Variants in EPM2A observed in about 807,000 individuals in gnomAD.
The protein encoded by EPM2A is laforin.
A neutral mutation model predicts 26.5 loss-of-function variants in EPM2A; 21 were observed. The observed-to-expected ratio is 0.79, with a 90% CI of 0.56 to 1.14. EPM2A has a LOEUF of 1.14. Among genes scored for constraint, EPM2A ranks in the 50% most tolerant of loss-of-function variants. EPM2A has a pLI of 0.00. For synonymous variants in EPM2A, 217 were observed against 177.6 expected (o/e 1.22, Z -1.76); for missense variants, 458 against 440.8 (o/e 1.04, Z -0.35).
At chr6:145,635,755 A>G (rs1170940148) in intron 2 of EPM2A, 6 of 419,566 alleles carry the variant, frequency 1.4e-5, no homozygotes, top group Non-Finnish European at 2.2e-5. Flanking sequence ...AAATAAGTCT[A>G]CCAAGTTGTA....
At chr6:145,510,328 C>A (rs1453266231) in intron 2 of EPM2A, among the ~76,000 whole-genome samples, 3 of 152,132 alleles carry the variant, frequency 2.0e-5, no homozygotes, top group African/African-American at 7.2e-5. Flanking sequence ...GTAAGATTGA[C>A]CACATGCTTA....
chr6:145,526,869 T>C (rs1780281421), intron 2 of EPM2A, among the ~76,000 whole-genome samples: 1 of 152,096 alleles, frequency 6.6e-6, no homozygotes, highest in African/African-American at 2.4e-5. Flanking sequence ...CTAGTTGTGA[T>C]ATTAGATTAG....
intron 2 of EPM2A, among the ~76,000 whole-genome samples, chr6:145,534,614 C>T (rs554854349): frequency 6.6e-6 from 1 of 152,356 alleles, no homozygotes; most frequent in Admixed American, 6.5e-5. Context: ...AGGTCCTCTG[C>T]AGCTGCAGGA....
chr6:145,606,027 T>C (rs1775247198), intron 2 of EPM2A, among the ~76,000 whole-genome samples: 1 of 152,160 alleles, frequency 6.6e-6, no homozygotes. Flanking sequence ...TGGCTGGCTA[T>C]GGAAATTTAT....
intron 1 of EPM2A, among the ~76,000 whole-genome samples, chr6:145,718,918 A>G (rs1000812516): frequency 1.3e-5 from 2 of 152,218 alleles, no homozygotes; most frequent in African/African-American, 2.4e-5. Flanking sequence ...CAAAACCACA[A>G]TGAGATACCA....
At chr6:145,547,159 AT>A (rs1780592743) in intron 2 of EPM2A, among the ~76,000 whole-genome samples, 1 of 152,080 alleles carries the variant, frequency 6.6e-6, no homozygotes, top group African/African-American at 2.4e-5. Flanking sequence ...TTCTATCAAA[AT>A]TCACAACCCA....
chr6:145,651,882 A>G (rs1436695362), intron 2 of EPM2A, among the ~76,000 whole-genome samples: 1 of 152,062 alleles, frequency 6.6e-6, no homozygotes, highest in Non-Finnish European at 1.5e-5. Flanking sequence ...AAGATGTTGT[A>G]TGTTTTATTT....
intron 2 of EPM2A, among the ~76,000 whole-genome samples, chr6:145,504,376 A>G (rs1181940140): frequency 1.6e-5 from 2 of 127,790 alleles, no homozygotes; most frequent in Non-Finnish European, 1.7e-5. Flanking sequence ...AGAATCTACA[A>G]TGAACTCAAA....
chr6:145,502,607 T>C (rs866214122), intron 2 of EPM2A: 1 of 470,812 alleles, frequency 2.1e-6, no homozygotes, highest in Middle Eastern at 3.4e-4. Flanking sequence ...TGGCAGCTTA[T>C]TAAAACCTGG....
chr6:145,577,145 C>A (rs1781042861), intron 2 of EPM2A, among the ~76,000 whole-genome samples: 1 of 151,592 alleles, frequency 6.6e-6, no homozygotes. Context: ...ACTCAGAAAA[C>A]AAATAACAAA....
At chr6:145,446,902 A>G (rs971489197) in intron 4 of EPM2A, among the ~76,000 whole-genome samples, 3 of 152,044 alleles carry the variant, frequency 2.0e-5, no homozygotes, top group African/African-American at 4.8e-5. Flanking sequence ...ATGCTTTCAT[A>G]TAGTTGTCCT....
chr6:145,402,472 A>C (rs1394975066), intron 4 of EPM2A, among the ~76,000 whole-genome samples: 1 of 152,166 alleles, frequency 6.6e-6, no homozygotes, highest in Non-Finnish European at 1.5e-5. Flanking sequence ...TATACTACAC[A>C]GATTAAGATT....
At chr6:145,447,524 GTATTTTTCCCAAACACAGATTT>G (rs372132389) in intron 4 of EPM2A, among the ~76,000 whole-genome samples, 3,974 of 151,836 alleles carry the variant, frequency 0.026, 187 homozygotes, top group African/African-American at 0.093. Flanking sequence ...ACAGTTTTCA[GTATTTTTCCCAAACACAGATTT>G]TATTTTTTTC....
chr6:145,495,426 T>C (rs151088728), intron 4 of EPM2A, among the ~76,000 whole-genome samples: 3,396 of 152,110 alleles, frequency 0.022, 46 homozygotes, highest in Admixed American at 0.031. Context: ...TACTGATGGG[T>C]CTTGGTTCTT....
chr6:145,390,469 G>T (rs1778322786), intron 4 of EPM2A, among the ~76,000 whole-genome samples: 1 of 152,086 alleles, frequency 6.6e-6, no homozygotes, highest in Admixed American at 6.5e-5. Context: ...TGCCAAACTT[G>T]TCTGGTGATA....
At chr6:145,676,290 A>G (rs1427815783) in intron 2 of EPM2A, among the ~76,000 whole-genome samples, 2 of 152,224 alleles carry the variant, frequency 1.3e-5, no homozygotes, top group Non-Finnish European at 2.9e-5. Context: ...TGTAGAGGGA[A>G]ATTTATAGCA....
At chr6:145,487,269 C>T (rs918990189) in intron 4 of EPM2A, among the ~76,000 whole-genome samples, 1 of 152,006 alleles carries the variant, frequency 6.6e-6, no homozygotes, top group African/African-American at 2.4e-5. Context: ...GATTCCCTAT[C>T]TTTGTTGTTG....
intron 4 of EPM2A, among the ~76,000 whole-genome samples, chr6:145,453,491 GAAAA>G (rs1002305722): frequency 6.7e-6 from 1 of 149,904 alleles, no homozygotes; most frequent in Non-Finnish European, 1.5e-5. Flanking sequence ...TAAACCAAAA[GAAAA>G]AAAAACCAAA....
chr6:145,671,440 GT>G, intron 2 of EPM2A: 1 of 975,432 alleles, frequency 1.0e-6, no homozygotes, highest in Non-Finnish European at 1.2e-6. Context: ...GTCATTGTGA[GT>G]CAATATTACA....
Sources: gnomAD v4.1 joint callset for allele counts (sites outside exome capture counted in the v4.1 genomes callset) on GRCh38, gnomAD v4.1.1 for gene constraint, MANE v1.5 for transcripts, NCBI Gene and HGNC (gene_info 2026-07-23, HGNC 2026-07-21) for gene names.